Variants in DLC1 observed in about 807,000 individuals in gnomAD.
DLC1 encodes the protein rho GTPase-activating protein 7.
DLC1 carries 54 observed loss-of-function variants against 140.3 expected under a neutral mutation model. That is an observed-to-expected ratio of 0.38 (90% CI 0.31 to 0.48). The LOEUF (loss-of-function observed/expected upper bound fraction) is 0.48. DLC1 is among the 20% of genes least tolerant of loss of function. The probability of loss-of-function intolerance (pLI) is 0.96; values close to 1 mark genes in which losing one functional copy is unlikely to be tolerated. For missense variants in DLC1, 2,536 were observed against 1,907.0 expected, an observed-to-expected ratio of 1.33 and a Z score of -6.14; for synonymous variants, 986 against 728.1, an observed-to-expected ratio of 1.35 and a Z score of -5.70.
intron 2 of DLC1, among the ~76,000 whole-genome samples, chr8:13,412,735 C>A (rs1585063392): frequency 2.0e-5 from 3 of 151,830 alleles, no homozygotes; most frequent in East Asian, 3.9e-4. Flanking sequence ...AGATAGAGAC[C>A]TCCTGGCTAA....
intron 1 of DLC1, among the ~76,000 whole-genome samples, chr8:13,597,907 C>T (rs1322224213): frequency 6.6e-6 from 1 of 152,036 alleles, no homozygotes; most frequent in African/African-American, 2.4e-5. Flanking sequence ...GGGATCTATG[C>T]AACAACTAAA....
intron 4 of DLC1, among the ~76,000 whole-genome samples, chr8:13,354,733 A>G (rs1171760242): frequency 6.6e-6 from 1 of 151,342 alleles, no homozygotes; most frequent in East Asian, 1.9e-4. Context: ...TTGCTTGAGC[A>G]CAGGAGTTCA....
chr8:13,475,582 A>T (rs148825168), intron 2 of DLC1, among the ~76,000 whole-genome samples: 4 of 152,376 alleles, frequency 2.6e-5, no homozygotes, highest in African/African-American at 9.6e-5. Context: ...GATTATAAAC[A>T]GTAGTAGTTT....
At chr8:13,412,898 C>G (rs891417817) in intron 2 of DLC1, among the ~76,000 whole-genome samples, 3 of 141,750 alleles carry the variant, frequency 2.1e-5, no homozygotes, top group Admixed American at 7.6e-5. Context: ...TGCCACTGCA[C>G]TCCAGTCTGG....
At chr8:13,222,698 C>A (rs1828614303) in intron 5 of DLC1, among the ~76,000 whole-genome samples, 1 of 152,088 alleles carries the variant, frequency 6.6e-6, no homozygotes, top group Admixed American at 6.6e-5. Context: ...TTGGTTATAA[C>A]AAGAGGAGCT....
intron 4 of DLC1, chr8:13,338,842 T>A (rs1282455281): frequency 1.3e-5 from 2 of 152,174 alleles, no homozygotes; most frequent in African/African-American, 4.8e-5. Flanking sequence ...CTTTGTCTTT[T>A]GCAGGTGGAA....
chr8:13,453,748 C>G (rs1358687627), intron 2 of DLC1, among the ~76,000 whole-genome samples: 2 of 150,436 alleles, frequency 1.3e-5, no homozygotes, highest in Non-Finnish European at 3.0e-5. Context: ...CTCAATAGTA[C>G]TTTGTTATAA....
In DLC1 at chr8:13,537,551, A is replaced by G. The variant is rs564477246; in HGVS notation, c.-125-37355T>C. Among the ~76,000 whole-genome samples the G allele has an allele frequency of 4.5e-4, 67 of 150,226 alleles. 1 individual carries two copies. The South Asian group carries it at 0.012, about 26-fold the overall frequency. On this transcript the variant is annotated intron_variant, in intron 1 of 1. Transcript: ENST00000631382. Reference sequence around the variant, plus strand: ...CATGGGCTACGAGACAGACACAGTTAGGTAAAGGATCAGTGCAGAGTGACA... The same window carrying G: ...CATGGGCTACGAGACAGACACAGTTGGGTAAAGGATCAGTGCAGAGTGACA...
intron 2 of DLC1, among the ~76,000 whole-genome samples, chr8:13,491,041 G>T (rs1201335794): frequency 6.9e-6 from 1 of 144,990 alleles, no homozygotes; most frequent in Non-Finnish European, 1.5e-5. Context: ...TATAAATTTA[G>T]AATATATATT....
intron 5 of DLC1, among the ~76,000 whole-genome samples, chr8:13,192,062 C>G (rs1002862029): frequency 6.6e-6 from 1 of 151,888 alleles, no homozygotes; most frequent in Non-Finnish European, 1.5e-5. Flanking sequence ...CTGCCTCAGC[C>G]TCCCAAGTAG....
chr8:13,358,640 G>A (rs775901485), intron 4 of DLC1, among the ~76,000 whole-genome samples: 33 of 151,344 alleles, frequency 2.2e-4, no homozygotes, highest in Non-Finnish European at 4.4e-4. Context: ...ACCCCATCAC[G>A]AAAGTTTTCT....
Position 13,382,036 on chromosome 8 carries a change from TA to T in DLC1, c.1314+11516del, listed in dbSNP as rs1033771911. 2.6e-4 allele frequency among the ~76,000 whole-genome samples: 40 copies of T among 151,900 alleles called. No homozygotes were observed. The South Asian group carries it at 5.6e-3, about 21-fold the overall frequency. On this transcript the variant is annotated intron_variant, in intron 4 of 17. Coordinates refer to ENST00000276297, the MANE Select transcript of DLC1 (RefSeq NM_182643.3). ...CTTTCAGTGAAAGGTTAAAGAAAAA[TA>T]AAGAAAGTGTTATTAGAAAAAGGGA...
Position 13,083,467 on chromosome 8 carries a change from G to T in DLC1, c.*2344C>A, listed in dbSNP as rs545966697. The T allele has an allele frequency of 6.6e-6, 1 of 152,126 alleles. No individual in the cohort carries two copies. The highest frequency in any genetic ancestry group is 6.5e-5 in the Admixed American group (1 of 15,270). 9.4% of individuals were successfully genotyped at this position (152,126 alleles called of 1,614,324 possible). ...GTAAGAGACAAGCCCTGCCCTCAAA[G>T]AGCTTACAATCTAGGCAATTAGTCA... is the stretch of plus-strand genomic sequence containing the variant. On this transcript the variant is annotated 3_prime_UTR_variant, in exon 18 of 18. Transcript: ENST00000276297.
chr8:13,116,475 C>T (rs539208288), intron 5 of DLC1, among the ~76,000 whole-genome samples: 1 of 152,260 alleles, frequency 6.6e-6, no homozygotes, highest in South Asian at 2.1e-4. Flanking sequence ...TTCAACTCTT[C>T]CTCCCACCTT....
In DLC1 at chr8:13,132,794, C is replaced by T. The variant is rs548356980; in HGVS notation, c.1349-17137G>A. 5.8e-6 allele frequency: 6 copies of T among 1,026,834 alleles called. No homozygotes were observed. In the South Asian group the frequency reaches 6.9e-5, roughly 12 times the overall value. The allele number at this position is 1,026,834 out of a possible 1,614,324, so 63.6% of individuals were successfully genotyped here. On this transcript the variant is annotated intron_variant, in intron 5 of 17. Coordinates refer to ENST00000276297, the MANE Select transcript of DLC1 (RefSeq NM_182643.3). Reference sequence around the variant, plus strand: ...GAGTCCTGCTATCCCCACACCACCTCCAAGAAAATCCGGAGACTCTGCAGA... The same window carrying T: ...GAGTCCTGCTATCCCCACACCACCTTCAAGAAAATCCGGAGACTCTGCAGA...
intron 1 of DLC1, among the ~76,000 whole-genome samples, chr8:13,589,526 C>G (rs1464076993): frequency 6.6e-6 from 1 of 152,168 alleles, no homozygotes; most frequent in East Asian, 1.9e-4. Context: ...GCAGAATCCA[C>G]TGAAAATTCA....
chr8:13,268,943 C>T (rs143139244), intron 5 of DLC1, among the ~76,000 whole-genome samples: 8,181 of 144,640 alleles, frequency 0.057, 286 homozygotes, highest in Non-Finnish European at 0.083. Flanking sequence ...GGCGTGATCT[C>T]GGCTCACTGC....
intron 5 of DLC1, among the ~76,000 whole-genome samples, chr8:13,200,077 C>A (rs1022489775): frequency 1.3e-5 from 2 of 152,124 alleles, no homozygotes; most frequent in African/African-American, 2.4e-5. Context: ...GAATCTCACA[C>A]TGTTGCCTGG....
In DLC1 at chr8:13,391,347, A is replaced by G. The variant is rs780273578; in HGVS notation, c.1314+2206T>C. Among the ~76,000 whole-genome samples, 59 of 152,302 alleles carry G rather than the reference A, an allele frequency of 3.9e-4. 1 individual carries two copies. In the Middle Eastern group the frequency reaches 0.024, roughly 61 times the overall value. ...AGCTCTGCTTGTATTCCCAGATGAC[A>G]AGTCACACCTGAACAGCTGGATACT... is the stretch of plus-strand genomic sequence containing the variant. On this transcript the variant is annotated intron_variant, in intron 4 of 17. Transcript: ENST00000276297.
Sources: allele counts gnomAD v4.1 joint callset (sites outside exome capture counted in the v4.1 genomes callset), GRCh38; gene constraint gnomAD v4.1.1; transcripts MANE v1.5; gene names NCBI Gene and HGNC (gene_info 2026-07-23, HGNC 2026-07-21).